CPQ: variants seen among roughly 807,000 people sequenced by gnomAD.
The protein encoded by CPQ is carboxypeptidase Q, also known as Ser-Met dipeptidase.
CPQ carries 37 observed loss-of-function variants against 45.7 expected under a neutral mutation model. The ratio of observed to expected loss-of-function variants is 0.81; its 90% CI spans 0.62 to 1.07. CPQ has a LOEUF of 1.07. CPQ is among the 50% of genes least tolerant of loss of function. The pLI is 0.00. For missense variants in CPQ, 537 were observed against 572.9 expected (o/e 0.94, Z 0.64); for synonymous variants, 186 against 205.8 (o/e 0.90, Z 0.82).
At chr8:97,083,203 A>G (rs1810982940) in intron 7 of CPQ, among the ~76,000 whole-genome samples, 2 of 152,208 alleles carry the variant, frequency 1.3e-5, no homozygotes, top group Admixed American at 1.3e-4. Flanking sequence ...TGTACAGTTG[A>G]CATTAAATAA....
intron 6 of CPQ, among the ~76,000 whole-genome samples, chr8:97,052,176 T>C (rs1454504037): frequency 6.6e-6 from 1 of 152,214 alleles, no homozygotes; most frequent in Non-Finnish European, 1.5e-5. Flanking sequence ...TGCTACTTAT[T>C]ACTATTCTCA....
At chr8:97,016,547 A>G (rs1809583474) in intron 5 of CPQ, among the ~76,000 whole-genome samples, 1 of 152,224 alleles carries the variant, frequency 6.6e-6, no homozygotes, top group South Asian at 2.1e-4. Context: ...AAAAAGGGAA[A>G]TGAGTATCAG....
rs115080485 is a variant in CPQ at position 96,725,528 on chromosome 8, G to A, written c.-34-59336G>A. Among the ~76,000 whole-genome samples the A allele has an allele frequency of 5.3e-3, 801 of 152,150 alleles. 4 individuals are homozygous for A. Among genetic ancestry groups the A allele is most frequent in the African/African-American group, 0.015 (633 of 41,530 alleles). On this transcript the variant is annotated intron_variant, in intron 1 of 7. Transcript: ENST00000220763. ...TCAGAGAAATGCAAATCAAAAGCAC[G>A]ATGAAATACCATCTCACACTAGTCA...
chr8:97,129,821 G>C (rs1206064913), intron 7 of CPQ, among the ~76,000 whole-genome samples: 1 of 151,974 alleles, frequency 6.6e-6, no homozygotes, highest in Non-Finnish European at 1.5e-5. Context: ...AGTTCCGTGA[G>C]AGCAGGCATC....
At chr8:97,027,202 C>A (rs994181358) in intron 5 of CPQ, among the ~76,000 whole-genome samples, 3 of 151,974 alleles carry the variant, frequency 2.0e-5, no homozygotes, top group Non-Finnish European at 2.9e-5. Context: ...CTTTGGCAAT[C>A]CTGATTAGAT....
intron 6 of CPQ, among the ~76,000 whole-genome samples, chr8:97,045,984 CA>C: frequency 6.6e-6 from 1 of 152,344 alleles, no homozygotes; most frequent in East Asian, 1.9e-4. Context: ...GAAGATCAGG[CA>C]GGGAACTGAG....
At chr8:96,956,485 G>A (rs1813359459) in intron 4 of CPQ, among the ~76,000 whole-genome samples, 1 of 152,050 alleles carries the variant, frequency 6.6e-6, no homozygotes, top group African/African-American at 2.4e-5. Flanking sequence ...TCTTTTTCCT[G>A]CAGATGTGAC....
intron 1 of CPQ, among the ~76,000 whole-genome samples, chr8:96,694,587 CA>C (rs1272435431): frequency 2.6e-5 from 4 of 152,102 alleles, no homozygotes; most frequent in African/African-American, 9.6e-5. Context: ...TCTCTGACTA[CA>C]GTGGAATAAA....
At chr8:96,751,446 T>G (rs1428967655) in intron 1 of CPQ, among the ~76,000 whole-genome samples, 1 of 152,234 alleles carries the variant, frequency 6.6e-6, no homozygotes, top group Non-Finnish European at 1.5e-5. Flanking sequence ...TTTTGAGAAG[T>G]GTCTGTTCAT....
intron 1 of CPQ, among the ~76,000 whole-genome samples, chr8:96,752,793 A>G (rs1810279007): frequency 6.6e-6 from 1 of 151,956 alleles, no homozygotes; most frequent in African/African-American, 2.4e-5. Flanking sequence ...TTATATCATG[A>G]TATGAGGTTA....
At chr8:96,941,909 C>T (rs1813127807) in intron 4 of CPQ, among the ~76,000 whole-genome samples, 2 of 152,202 alleles carry the variant, frequency 1.3e-5, no homozygotes, top group South Asian at 4.1e-4. Context: ...TATAGCAATG[C>T]AAGAAAACTG....
chr8:97,131,797 A>C (rs1811963249), intron 7 of CPQ, among the ~76,000 whole-genome samples: 1 of 152,226 alleles, frequency 6.6e-6, no homozygotes, highest in African/African-American at 2.4e-5. Context: ...GGGGAAATTA[A>C]CAGCATCTTG....
chr8:97,093,789 C>A (rs1031881128), intron 7 of CPQ, among the ~76,000 whole-genome samples: 3 of 152,148 alleles, frequency 2.0e-5, no homozygotes, highest in African/African-American at 4.8e-5. Context: ...AATTTGAAAT[C>A]TTTAAAGTAA....
At chr8:96,896,609 A>G (rs1812446395) in intron 4 of CPQ, among the ~76,000 whole-genome samples, 1 of 152,226 alleles carries the variant, frequency 6.6e-6, no homozygotes, top group Non-Finnish European at 1.5e-5. Flanking sequence ...ACAACATTCA[A>G]GAGCCTACTG....
intron 7 of CPQ, among the ~76,000 whole-genome samples, chr8:97,066,860 G>C (rs1344996906): frequency 1.3e-5 from 2 of 150,680 alleles, no homozygotes; most frequent in East Asian, 3.9e-4. Flanking sequence ...TTATGAAATG[G>C]GAGCGGACAT....
chr8:96,898,626 T>C (rs1261857464), intron 4 of CPQ, among the ~76,000 whole-genome samples: 3 of 54,576 alleles, frequency 5.5e-5, no homozygotes, highest in Non-Finnish European at 1.0e-4. Context: ...GGGACTGTGG[T>C]GGGGTCGGGG....
chr8:97,072,421 A>C (rs573171890), intron 7 of CPQ, among the ~76,000 whole-genome samples: 2 of 152,304 alleles, frequency 1.3e-5, no homozygotes, highest in African/African-American at 2.4e-5. Context: ...ATCACCGCTA[A>C]ATAACTTACT....
chr8:96,750,528 T>G (rs927220201), intron 1 of CPQ, among the ~76,000 whole-genome samples: 4 of 151,972 alleles, frequency 2.6e-5, no homozygotes, highest in Non-Finnish European at 5.9e-5. Context: ...ATTTTATCCA[T>G]TCATCTTCCA....
In CPQ at chr8:96,785,080, C is replaced by G; in HGVS notation, c.183C>G (p.Asn61Lys). The G allele has an allele frequency of 6.2e-7, 1 of 1,613,798 alleles. No homozygotes were observed. The highest frequency in any genetic ancestry group is 8.5e-7 in the Non-Finnish European group (1 of 1,179,846). Residue 61 changes from asparagine to lysine, a missense_variant, in exon 2 of 8, where the codon AAC becomes AAG. By Grantham distance (94) the Asn-to-Lys change is moderately conservative (BLOSUM62 0). Coordinates refer to ENST00000220763, the MANE Select transcript of CPQ (RefSeq NM_016134.4). Reference protein sequence around the residue: ...INLAVYGKAQNRSYERLALLV... With the variant: ...INLAVYGKAQKRSYERLALLV... Reference sequence around the variant, plus strand: ...TAGCTGTTTATGGTAAAGCCCAGAACAGATCCTATGAGCGATTGGCACTTC... The same window carrying G: ...TAGCTGTTTATGGTAAAGCCCAGAAGAGATCCTATGAGCGATTGGCACTTC...
Sources: allele counts gnomAD v4.1 joint callset (sites outside exome capture counted in the v4.1 genomes callset), GRCh38; gene constraint gnomAD v4.1.1; transcripts MANE v1.5; gene names NCBI Gene and HGNC (gene_info 2026-07-23, HGNC 2026-07-21).